The following MAEL variants were observed in gnomAD, a reference collection of about 807,000 sequenced individuals.
MAEL encodes the protein maelstrom spermatogenic transposon silencer.
In MAEL, 46 loss-of-function variants were observed where a neutral mutation model predicts 62.0. That is an observed-to-expected ratio of 0.74 (90% CI 0.59 to 0.95). MAEL has a LOEUF of 0.95. MAEL is among the 40% of genes least tolerant of loss of function. MAEL has a pLI of 0.00. For missense variants in MAEL, 497 were observed against 526.8 expected, an observed-to-expected ratio of 0.94 and a Z score of 0.55; for synonymous variants, 172 against 175.5, an observed-to-expected ratio of 0.98 and a Z score of 0.16.
At chr1:166,994,842 A>G (rs1664345289) in intron 5 of MAEL, among the ~76,000 whole-genome samples, 1 of 151,068 alleles carries the variant, frequency 6.6e-6, no homozygotes, top group Non-Finnish European at 1.5e-5. Context: ...GCTAATTTTT[A>G]TATTTTTAGC....
chr1:166,984,391 TTAAA>T (rs1049979742), upstream of MAEL, among the ~76,000 whole-genome samples: 4 of 152,112 alleles, frequency 2.6e-5, no homozygotes, highest in Admixed American at 2.0e-4. Context: ...TTAAAAACCC[TTAAA>T]TAGAGTAGAT....
chr1:166,987,090 A>G (rs934933963), upstream of MAEL, among the ~76,000 whole-genome samples: 2 of 152,040 alleles, frequency 1.3e-5, no homozygotes, highest in African/African-American at 4.8e-5. Context: ...AGTTTGATGA[A>G]TTTTGACAAA....
upstream of MAEL, among the ~76,000 whole-genome samples, chr1:166,988,752 T>C (rs1664012113): frequency 6.6e-6 from 1 of 152,166 alleles, no homozygotes. Flanking sequence ...TCTATAAAAC[T>C]TTAAGGATAT....
At chr1:166,999,966 G>GA (rs558054550) in intron 5 of MAEL, among the ~76,000 whole-genome samples, 169 of 144,154 alleles carry the variant, frequency 1.2e-3, no homozygotes, top group Non-Finnish European at 1.5e-3. Flanking sequence ...CTGCTGCTCA[G>GA]AAAAAAAAAA....
chr1:166,993,964 G>A, intron 4 of MAEL, 64 bp from the exon 5 acceptor site: 1 of 1,240,254 alleles, frequency 8.1e-7, no homozygotes, highest in East Asian at 2.4e-5. Context: ...ATCTTGTAGA[G>A]TATTACTGTA....
chr1:166,989,092 C>T, upstream of MAEL: 1 of 480,096 alleles, frequency 2.1e-6, no homozygotes, highest in Non-Finnish European at 3.8e-6. Flanking sequence ...CTCCGCCTGC[C>T]ACGCACCCAG....
intron 1 of MAEL, among the ~76,000 whole-genome samples, chr1:166,981,421 G>T (rs1663755568): frequency 6.6e-6 from 1 of 152,106 alleles, no homozygotes; most frequent in South Asian, 2.1e-4. Flanking sequence ...AAACGAATAT[G>T]AATTCAAAGA....
At chr1:166,982,382 A>C (rs2102058534) in intron 1 of MAEL, among the ~76,000 whole-genome samples, 1 of 152,334 alleles carries the variant, frequency 6.6e-6, no homozygotes, top group Admixed American at 6.5e-5. Flanking sequence ...TATGTGGATA[A>C]TCATGGAATC....
intron 5 of MAEL, among the ~76,000 whole-genome samples, chr1:167,000,560 A>G (rs1664619884): frequency 6.6e-6 from 1 of 152,270 alleles, no homozygotes; most frequent in Admixed American, 6.5e-5. Flanking sequence ...TAAACTTGGT[A>G]AAGTAGCAGC....
chr1:166,991,599 T>G, intron 3 of MAEL, 122 bp downstream of exon 3: 1 of 631,396 alleles, frequency 1.6e-6, no homozygotes, highest in African/African-American at 1.8e-5. Flanking sequence ...CTGCAAGTGT[T>G]AAATATTGTG....
At chr1:166,992,882 G>GC in intron 4 of MAEL, 41 bp downstream of exon 4, 1 of 1,223,336 alleles carries the variant, frequency 8.2e-7, no homozygotes, top group Non-Finnish European at 1.1e-6. Flanking sequence ...AACGTGTATG[G>GC]TTTTTTTTTT....
rs201142742 is a variant in MAEL, at chr1:167,005,166, A to G, written c.703+36A>G. ...CTCTGGGTTGCTGCAGAAGTGCTTT[A>G]TAGTTAATATCTGTATTTGTTTCCA... is the stretch of plus-strand genomic sequence containing the variant. On this transcript the variant is annotated intron_variant, in intron 7 of 11. Coordinates refer to ENST00000367872, the MANE Select transcript of MAEL (RefSeq NM_032858.3). 50 of 1,612,374 alleles carry G rather than the reference A, an allele frequency of 3.1e-5. No individual in the cohort carries two copies. In the East Asian group the frequency reaches 1.0e-3, roughly 32 times the overall value.
rs143074041 is a variant in MAEL at position 167,004,271 on chromosome 1, C to T, written c.615C>T (p.Pro205=). The T allele has an allele frequency of 9.1e-5, 146 of 1,608,068 alleles. No homozygotes were observed. Among genetic ancestry groups the T allele is most frequent in the Non-Finnish European group, 1.0e-4 (119 of 1,177,492 alleles). Residue 205 remains proline (P), a synonymous_variant, in exon 6 of 12, where the codon CCC becomes CCT. Transcript: ENST00000367872. ...AAAACCTTTATAGATTTATTCATCC[C>T]AACCCAGGGAACTGGCCACCTATCT... ...VLQNLYRFIH[P]NPGNWPPIYC...
At chr1:167,018,917 C>T (rs932764469) in intron 10 of MAEL, among the ~76,000 whole-genome samples, 3 of 152,054 alleles carry the variant, frequency 2.0e-5, no homozygotes, top group African/African-American at 4.8e-5. Flanking sequence ...GGCTCTGTAT[C>T]CTGATTGTGG....
At chr1:166,979,296 A>G (rs1218583856) in intron 1 of MAEL, among the ~76,000 whole-genome samples, 2 of 151,746 alleles carry the variant, frequency 1.3e-5, no homozygotes, top group Non-Finnish European at 2.9e-5. Context: ...TTCTCTTGCT[A>G]CCTTTTGGGT....
At chr1:166,988,747 A>ATAT (rs1355633546), upstream of MAEL, among the ~76,000 whole-genome samples, 1 of 152,212 alleles carries the variant, frequency 6.6e-6, no homozygotes, top group Non-Finnish European at 1.5e-5. Flanking sequence ...GGAAATCTAT[A>ATAT]AAACTTTAAG....
At chr1:167,012,578 TAC>T (rs1665211748) in intron 8 of MAEL, 2 of 152,176 alleles carry the variant, frequency 1.3e-5, no homozygotes, top group African/African-American at 4.8e-5. Flanking sequence ...AAACATACAG[TAC>T]ATAATAAAGA....
chr1:167,004,042 C>T (rs1664784827), intron 5 of MAEL, 138 bp from the exon 6 acceptor site: 1 of 684,708 alleles, frequency 1.5e-6, no homozygotes, highest in African/African-American at 1.8e-5. Flanking sequence ...TATGTAAAAT[C>T]CTTAACAAAA....
In MAEL at chr1:167,017,970, G is replaced by A. The variant is rs199569239; in HGVS notation, c.1041+11G>A. The A allele has an allele frequency of 6.8e-6, 11 of 1,611,402 alleles. No individual in the cohort carries two copies. In the African/African-American group the frequency reaches 1.2e-4, roughly 18 times the overall value. On this transcript the variant is annotated intron_variant, in intron 10 of 11. Coordinates refer to ENST00000367872, the MANE Select transcript of MAEL (RefSeq NM_032858.3). ...GCAGGGCGTTACCAGGTAAGGAACT[G>A]ACTTTTAAGAGCTGCTGGTCTCTTT...
Sources: gnomAD v4.1 joint callset for allele counts (sites outside exome capture counted in the v4.1 genomes callset) on GRCh38, gnomAD v4.1.1 for gene constraint, MANE v1.5 for transcripts, NCBI Gene and HGNC (gene_info 2026-07-23, HGNC 2026-07-21) for gene names.